The following CHRM3 variants were observed in gnomAD, a reference collection of about 807,000 sequenced individuals.
CHRM3 encodes the protein cholinergic receptor muscarinic 3, also known as muscarinic acetylcholine receptor M3.
A neutral mutation model predicts 41.8 loss-of-function variants in CHRM3; 11 were observed. That is an observed-to-expected ratio of 0.26 (90% confidence interval 0.17 to 0.44). The LOEUF (loss-of-function observed/expected upper bound fraction) is 0.44. CHRM3 is among the 20% of genes least tolerant of loss of function. CHRM3 has a pLI of 1.00. For synonymous variants in CHRM3, 297 were observed against 301.4 expected, an observed-to-expected ratio of 0.99 and a Z score of 0.15; for missense variants, 571 against 745.4, an observed-to-expected ratio of 0.77 and a Z score of 2.72.
At chr1:239,474,576 A>G (rs1195905659) in intron 1 of CHRM3, among the ~76,000 whole-genome samples, 1 of 152,130 alleles carries the variant, frequency 6.6e-6, no homozygotes, top group Non-Finnish European at 1.5e-5. Context: ...CTCAATACAT[A>G]CTAATTGTAG....
At chr1:239,891,709 C>G (rs1232881320) in intron 6 of CHRM3, among the ~76,000 whole-genome samples, 1 of 152,172 alleles carries the variant, frequency 6.6e-6, no homozygotes, top group African/African-American at 2.4e-5. Context: ...GAGTTTCCAG[C>G]CCTCTGACTG....
chr1:239,502,351 T>A (rs1668294428), intron 2 of CHRM3, among the ~76,000 whole-genome samples: 1 of 152,122 alleles, frequency 6.6e-6, no homozygotes, highest in Non-Finnish European at 1.5e-5. Flanking sequence ...GATAAATTCC[T>A]GGAAAAATAC....
At chr1:239,448,927 T>TA (rs1173367532) in intron 1 of CHRM3, among the ~76,000 whole-genome samples, 10 of 152,204 alleles carry the variant, frequency 6.6e-5, no homozygotes, top group Non-Finnish European at 1.5e-4. Context: ...AGTTTTAGAA[T>TA]ACCGTGGTCT....
At chr1:239,836,046 G>A (rs1272389637) in intron 6 of CHRM3, among the ~76,000 whole-genome samples, 4 of 152,358 alleles carry the variant, frequency 2.6e-5, no homozygotes, top group African/African-American at 9.6e-5. Context: ...ATGGCGTTCT[G>A]TGGGGATGCA....
At chr1:239,540,779 G>C (rs570422190) in intron 2 of CHRM3, among the ~76,000 whole-genome samples, 2 of 152,042 alleles carry the variant, frequency 1.3e-5, no homozygotes, top group East Asian at 3.9e-4. Flanking sequence ...CCTTATATCA[G>C]TATAACTTCC....
chr1:239,501,963 C>CTT (rs1483719624), intron 2 of CHRM3, among the ~76,000 whole-genome samples: 1 of 152,244 alleles, frequency 6.6e-6, no homozygotes, highest in East Asian at 1.9e-4. Flanking sequence ...TCAATGCTTA[C>CTT]TTCAGAAAGA....
At chr1:239,818,847 C>T (rs1343000278) in intron 5 of CHRM3, among the ~76,000 whole-genome samples, 1 of 152,166 alleles carries the variant, frequency 6.6e-6, no homozygotes, top group East Asian at 1.9e-4. Context: ...ACCCTCCTAA[C>T]AGGGTTAAAG....
intron 5 of CHRM3, among the ~76,000 whole-genome samples, chr1:239,694,457 C>T (rs1659997447): frequency 1.3e-5 from 2 of 152,170 alleles, no homozygotes; most frequent in South Asian, 4.1e-4. Flanking sequence ...TAAAACAAGG[C>T]TTAACGTTCC....
chr1:239,437,612 C>T (rs1220300983), intron 1 of CHRM3, among the ~76,000 whole-genome samples: 1 of 152,170 alleles, frequency 6.6e-6, no homozygotes, highest in Non-Finnish European at 1.5e-5. Context: ...TCTCGGCTCA[C>T]TGCAATCTCT....
intron 5 of CHRM3, among the ~76,000 whole-genome samples, chr1:239,689,450 TAA>T (rs560831029): frequency 2.6e-5 from 4 of 152,304 alleles, no homozygotes; most frequent in Admixed American, 2.6e-4. Context: ...TAAATTTCTC[TAA>T]AGTATTTTTT....
At chr1:239,662,324 T>A (rs28448804) in intron 4 of CHRM3, among the ~76,000 whole-genome samples, 11,231 of 152,142 alleles carry the variant, frequency 0.074, 713 homozygotes, top group African/African-American at 0.16. Flanking sequence ...GATTGACATG[T>A]CTGATTTTGA....
chr1:239,757,828 T>G (rs1399334391), intron 5 of CHRM3, among the ~76,000 whole-genome samples: 1 of 152,148 alleles, frequency 6.6e-6, no homozygotes, highest in African/African-American at 2.4e-5. Flanking sequence ...GCCCATCTCC[T>G]GAAAGAGACA....
At chr1:239,546,994 T>C (rs1659361208) in intron 3 of CHRM3, among the ~76,000 whole-genome samples, 1 of 152,180 alleles carries the variant, frequency 6.6e-6, no homozygotes, top group African/African-American at 2.4e-5. Flanking sequence ...ATACATTCAG[T>C]AATATTGAGA....
At chr1:239,745,789 A>C (rs1048916883) in intron 5 of CHRM3, among the ~76,000 whole-genome samples, 7 of 152,192 alleles carry the variant, frequency 4.6e-5, no homozygotes, top group African/African-American at 1.7e-4. Flanking sequence ...GACACTTCTC[A>C]AAAGAAGACA....
chr1:239,438,285 T>C (rs1484767633), intron 1 of CHRM3, among the ~76,000 whole-genome samples: 1 of 152,238 alleles, frequency 6.6e-6, no homozygotes, highest in Non-Finnish European at 1.5e-5. Context: ...GTACATCTTA[T>C]CTAGAAATCT....
chr1:239,487,711 A>G (rs1228124320), intron 1 of CHRM3, among the ~76,000 whole-genome samples: 1 of 152,106 alleles, frequency 6.6e-6, no homozygotes, highest in African/African-American at 2.4e-5. Flanking sequence ...AAGAAAATGA[A>G]TCCAAGATAG....
intron 2 of CHRM3, among the ~76,000 whole-genome samples, chr1:239,493,245 G>A (rs1667668135): frequency 6.6e-6 from 1 of 152,196 alleles, no homozygotes; most frequent in Non-Finnish European, 1.5e-5. Context: ...TACCTTTCAT[G>A]TAGATTCACA....
chr1:239,538,420 C>T (rs939084561), intron 2 of CHRM3, among the ~76,000 whole-genome samples: 1 of 152,204 alleles, frequency 6.6e-6, no homozygotes, highest in Non-Finnish European at 1.5e-5. Flanking sequence ...AACAGCTTGA[C>T]CACTTCTGCT....
At chr1:239,808,896 A>C (rs1355598548) in intron 5 of CHRM3, among the ~76,000 whole-genome samples, 1 of 152,154 alleles carries the variant, frequency 6.6e-6, no homozygotes, top group Non-Finnish European at 1.5e-5. Flanking sequence ...CCTACTTGTA[A>C]AGTCTTGTCA....
Sources: gnomAD v4.1 joint callset for allele counts (sites outside exome capture counted in the v4.1 genomes callset) on GRCh38, gnomAD v4.1.1 for gene constraint, MANE v1.5 for transcripts, NCBI Gene and HGNC (gene_info 2026-07-23, HGNC 2026-07-21) for gene names.